SENP7: variants seen among roughly 807,000 people sequenced by gnomAD.
SENP7 encodes the protein SUMO specific peptidase 7, also known as sentrin-specific protease 7.
In SENP7, 64 loss-of-function variants were observed where a neutral mutation model predicts 141.2. That is an observed-to-expected ratio of 0.45 (90% CI 0.37 to 0.56). The LOEUF is 0.56. SENP7 is among the 20% of genes least tolerant of loss of function. The pLI, the probability that SENP7 is intolerant of heterozygous loss-of-function variation, is 0.00. For synonymous variants in SENP7, 382 were observed against 426.4 expected, an observed-to-expected ratio of 0.90 and a Z score of 1.28; for missense variants, 1,025 against 1,212.2, an observed-to-expected ratio of 0.85 and a Z score of 2.29.
chr3:101,419,163 GAAAGGTCCAAAA>G (rs2061711280), intron 4 of SENP7, among the ~76,000 whole-genome samples: 1 of 152,104 alleles, frequency 6.6e-6, no homozygotes, highest in African/African-American at 2.4e-5. Flanking sequence ...AAAAAATGGA[GAAAGGTCCAAAA>G]AACAGGACAA....
intron 6 of SENP7, among the ~76,000 whole-genome samples, chr3:101,372,860 C>A (rs2060218168): frequency 6.6e-6 from 1 of 151,758 alleles, no homozygotes; most frequent in South Asian, 2.1e-4. Flanking sequence ...AAATTTAAAT[C>A]TGAAAAAATA....
intron 4 of SENP7, among the ~76,000 whole-genome samples, chr3:101,443,050 C>T (rs1288983118): frequency 1.3e-5 from 2 of 152,222 alleles, no homozygotes; most frequent in Non-Finnish European, 2.9e-5. Context: ...ATGGTAATGC[C>T]GAGGTTTTCT....
intron 1 of SENP7, among the ~76,000 whole-genome samples, chr3:101,502,174 G>A (rs748787322): frequency 2.0e-5 from 3 of 152,216 alleles, no homozygotes; most frequent in Non-Finnish European, 4.4e-5. Context: ...TAGCTCATGA[G>A]CATGATGACT....
intron 4 of SENP7, among the ~76,000 whole-genome samples, chr3:101,452,236 C>T (rs1422591998): frequency 2.0e-5 from 3 of 152,176 alleles, no homozygotes; most frequent in East Asian, 1.9e-4. Context: ...AATGGAAGAA[C>T]ATTCCATGCT....
chr3:101,384,799 G>A (rs985436489), intron 6 of SENP7, among the ~76,000 whole-genome samples: 1 of 152,156 alleles, frequency 6.6e-6, no homozygotes, highest in African/African-American at 2.4e-5. Context: ...ACCAGCTGGC[G>A]AAGCAACACC....
intron 3 of SENP7, among the ~76,000 whole-genome samples, chr3:101,476,462 T>C (rs570847864): frequency 2.0e-5 from 3 of 152,306 alleles, no homozygotes; most frequent in Non-Finnish European, 2.9e-5. Context: ...AATTCTATGG[T>C]GTATATGTGC....
chr3:101,453,286 A>G (rs2063218672), intron 4 of SENP7, among the ~76,000 whole-genome samples: 1 of 152,222 alleles, frequency 6.6e-6, no homozygotes, highest in Admixed American at 6.5e-5. Context: ...AACTAGTTCA[A>G]CCATTGTGGA....
intron 9 of SENP7, among the ~76,000 whole-genome samples, chr3:101,366,196 T>C (rs1374931861): frequency 6.6e-6 from 1 of 152,210 alleles, no homozygotes; most frequent in African/African-American, 2.4e-5. Flanking sequence ...TACTTACTAA[T>C]CTAAGAAAAA....
chr3:101,409,740 A>G (rs146709552), intron 5 of SENP7, among the ~76,000 whole-genome samples: 53 of 152,344 alleles, frequency 3.5e-4, no homozygotes, highest in Middle Eastern at 6.8e-3. Flanking sequence ...CACATGTAGG[A>G]GAATGAAACT....
chr3:101,462,406 T>G (rs145898511), intron 3 of SENP7, among the ~76,000 whole-genome samples: 2,840 of 151,944 alleles, frequency 0.019, 47 homozygotes, highest in Non-Finnish European at 0.03. Flanking sequence ...CCAGGCGTGG[T>G]GGCACATGCC....
At chr3:101,378,664 C>T (rs1273672329) in intron 6 of SENP7, among the ~76,000 whole-genome samples, 1 of 151,834 alleles carries the variant, frequency 6.6e-6, no homozygotes, top group East Asian at 1.9e-4. Context: ...GAGAATTTCC[C>T]CAAATTAATG....
At chr3:101,355,573 T>C (rs989780586) in intron 11 of SENP7, among the ~76,000 whole-genome samples, 1 of 152,170 alleles carries the variant, frequency 6.6e-6, no homozygotes, top group Non-Finnish European at 1.5e-5. Flanking sequence ...GACCTATGTG[T>C]CTGTTTTTGT....
intron 22 of SENP7, among the ~76,000 whole-genome samples, chr3:101,328,140 T>C (rs117388797): frequency 1.3e-5 from 2 of 152,164 alleles, no homozygotes; most frequent in Non-Finnish European, 1.5e-5. Flanking sequence ...AAATTACACA[T>C]ACATACATAT....
intron 7 of SENP7, among the ~76,000 whole-genome samples, chr3:101,369,553 A>G (rs1228172195): frequency 6.6e-6 from 1 of 152,180 alleles, no homozygotes; most frequent in Non-Finnish European, 1.5e-5. Flanking sequence ...AATCATCAAC[A>G]CAATATTTAG....
At chr3:101,356,487 CA>C (rs559120380) in intron 11 of SENP7, among the ~76,000 whole-genome samples, 2 of 152,016 alleles carry the variant, frequency 1.3e-5, no homozygotes, top group East Asian at 3.8e-4. Context: ...TACAATACTT[CA>C]AAAAATCTAC....
In SENP7 at chr3:101,417,725, A is replaced by G. The variant is rs1375410246; in HGVS notation, c.350T>C (p.Leu117Pro). ...TDLGRKFRKT[L>P]PRNDANLCDA... Reference sequence around the variant, plus strand: ...ACATAAATTAGCATCGTTTCTAGGTAGGGTCTTTCTGAATTTTCGTCCTAA... The same window carrying G: ...ACATAAATTAGCATCGTTTCTAGGTGGGGTCTTTCTGAATTTTCGTCCTAA... Residue 117 changes from leucine (L) to proline (P), a missense_variant, in exon 5 of 24, where the codon CTA becomes CCA. Leu to Pro is a moderately conservative substitution (Grantham distance 98). This residue lies in a region of SENP7 where 496 missense variants were observed against 503.5 expected (regional missense o/e 0.99). Coordinates refer to ENST00000394095, the MANE Select transcript of SENP7 (RefSeq NM_020654.5). 6.2e-7 allele frequency: 1 copy of G among 1,614,000 alleles called. No individual in the cohort carries two copies. Among genetic ancestry groups the G allele is most frequent in the East Asian group, 2.2e-5 (1 of 44,856 alleles).
chr3:101,463,416 TAC>T (rs1553744852), intron 3 of SENP7, among the ~76,000 whole-genome samples: 2 of 116,500 alleles, frequency 1.7e-5, no homozygotes, highest in African/African-American at 3.6e-5. Context: ...TATATATATA[TAC>T]ACACACATAT....
Position 101,428,005 on chromosome 3 carries a change from G to A in SENP7, c.285-10215C>T, listed in dbSNP as rs536224917. Among the ~76,000 whole-genome samples the A allele has an allele frequency of 3.3e-5, 5 of 152,244 alleles. No individual in the cohort carries two copies. In the South Asian group the frequency reaches 8.3e-4, roughly 25 times the overall value. ...AATGATGGTTTCCAGTTTCATCCAT[G>A]TCCTGGCAAAGGACATGAAATCATC... On this transcript the variant is annotated intron_variant, in intron 4 of 23. Transcript: ENST00000394095.
chr3:101,361,821 T>G lies in SENP7; in HGVS notation c.1517A>C (p.Asn506Thr), dbSNP rs1375869514. 4 of 1,607,510 alleles carry G rather than the reference T, an allele frequency of 2.5e-6. No individual in the cohort carries two copies. The South Asian group carries it at 4.5e-5, about 18-fold the overall frequency. ...ELCPYNPVME[N>T]ISSIMPSNEM... The stretch of plus-strand genomic sequence containing the variant: ...ATTACTAGGCATAATACTGGAAATG[T>G]TCTCCATGACAGGATTATATGGGCA... The change falls in exon 11 of 24, where the codon AAC becomes ACC. Residue 506 changes from asparagine (N) to threonine (T), a missense_variant. Asn to Thr is a moderately conservative substitution (Grantham distance 65). Coordinates refer to ENST00000394095, the MANE Select transcript of SENP7 (RefSeq NM_020654.5).
Sources: allele counts gnomAD v4.1 joint callset (sites outside exome capture counted in the v4.1 genomes callset), GRCh38; gene constraint gnomAD v4.1.1; regional missense constraint gnomAD v4.1.1; transcripts MANE v1.5; gene names NCBI Gene and HGNC (gene_info 2026-07-23, HGNC 2026-07-21).